Variants in CTBP2 observed in about 807,000 individuals in gnomAD.
The protein encoded by CTBP2 is C-terminal-binding protein 2.
A neutral mutation model predicts 80.3 loss-of-function variants in CTBP2; 30 were observed. The ratio of observed to expected loss-of-function variants is 0.37; its 90% confidence interval spans 0.28 to 0.51. The LOEUF (loss-of-function observed/expected upper bound fraction) is 0.51. CTBP2 is among the 20% of genes least tolerant of loss of function. The probability of loss-of-function intolerance (pLI) is 0.93; values close to 1 mark genes in which losing one functional copy is unlikely to be tolerated. For missense variants in CTBP2, 1,212 were observed against 1,375.3 expected (o/e 0.88, Z 1.88); for synonymous variants, 594 against 587.4 (o/e 1.01, Z -0.16).
intron 2 of CTBP2, among the ~76,000 whole-genome samples, chr10:125,050,415 T>TA (rs1404007674): frequency 1.3e-5 from 2 of 152,246 alleles, no homozygotes; most frequent in African/African-American, 4.8e-5. Context: ...AGCTTGCAGC[T>TA]ATTCATTTTG....
At chr10:125,041,576 T>C (rs1001203145) in intron 2 of CTBP2, among the ~76,000 whole-genome samples, 1 of 141,598 alleles carries the variant, frequency 7.1e-6, no homozygotes, top group Non-Finnish European at 1.5e-5. Context: ...CAATTGTCAT[T>C]TGCTCAGGCG....
intron 2 of CTBP2, among the ~76,000 whole-genome samples, chr10:125,043,573 G>A (rs1960435350): frequency 6.6e-6 from 1 of 152,084 alleles, no homozygotes; most frequent in African/African-American, 2.4e-5. Context: ...CGAGTAGCTG[G>A]GACTACAAGT....
intron 7 of CTBP2, 120 bp from the exon 10 acceptor site, chr10:124,992,932 G>C (rs904524739): frequency 1.1e-6 from 1 of 908,178 alleles, no homozygotes; most frequent in East Asian, 2.6e-5. Context: ...AACATCCAAA[G>C]GCCCAAGTGC....
chr10:125,127,899 A>G (rs920410150), intron 1 of CTBP2, among the ~76,000 whole-genome samples: 3 of 152,054 alleles, frequency 2.0e-5, no homozygotes, highest in Non-Finnish European at 4.4e-5. Context: ...CCCAATCTCA[A>G]CCCCTATTAC....
chr10:125,071,009 A>G (rs1223601092), intron 2 of CTBP2, among the ~76,000 whole-genome samples: 3 of 152,278 alleles, frequency 2.0e-5, no homozygotes, highest in Admixed American at 6.5e-5. Flanking sequence ...CATTCCTGCA[A>G]AGACAAAATG....
At chr10:125,010,219 T>TAAAAA (rs59517853) in intron 1 of CTBP2, among the ~76,000 whole-genome samples, 2 of 105,986 alleles carry the variant, frequency 1.9e-5, no homozygotes, top group Non-Finnish European at 3.7e-5. Context: ...ATTTTAAGGT[T>TAAAAA]AAAAAAAAAA....
chr10:125,136,184 A>AG (rs1399700465), intron 1 of CTBP2, among the ~76,000 whole-genome samples: 1 of 152,142 alleles, frequency 6.6e-6, no homozygotes, highest in African/African-American at 2.4e-5. Flanking sequence ...AAGGGGCTGG[A>AG]GGGACCCAGG....
intron 2 of CTBP2, among the ~76,000 whole-genome samples, chr10:125,106,649 C>A (rs1217703647): frequency 4.6e-5 from 7 of 152,240 alleles, no homozygotes; most frequent in Admixed American, 1.3e-4. Context: ...AGTGTGCCCA[C>A]CATCCTGCAG....
At chr10:125,001,446 G>C (rs1020574664) in intron 3 of CTBP2, 1 of 152,220 alleles carries the variant, frequency 6.6e-6, no homozygotes, top group Non-Finnish European at 1.5e-5. Flanking sequence ...TTTGTGCCAG[G>C]GAAAGATGGA....
intron 1 of CTBP2, among the ~76,000 whole-genome samples, chr10:125,141,822 G>A (rs1453165020): frequency 1.3e-5 from 2 of 152,136 alleles, no homozygotes; most frequent in Non-Finnish European, 2.9e-5. Flanking sequence ...GTGAGCACGC[G>A]GCAAACACAC....
chr10:125,021,628 G>A lies in CTBP2; in HGVS notation c.1678+4454C>T, dbSNP rs904968892. Among the ~76,000 whole-genome samples the A allele has an allele frequency of 3.9e-5, 6 of 152,284 alleles. No individual in the cohort carries two copies. In the South Asian group the frequency reaches 6.2e-4, roughly 16 times the overall value. On this transcript the variant is annotated intron_variant, in intron 1 of 8. Coordinates refer to ENST00000309035, the MANE Select transcript of CTBP2 (RefSeq NM_022802.3). Reference sequence around the variant, plus strand: ...ATCACTGCTGTTCTGCCATGAAGGCGGAGGGTGATCTGGCGAGGTCACAAG... The same window carrying A: ...ATCACTGCTGTTCTGCCATGAAGGCAGAGGGTGATCTGGCGAGGTCACAAG...
intron 1 of CTBP2, among the ~76,000 whole-genome samples, chr10:125,146,488 G>A (rs1239171934): frequency 6.6e-6 from 1 of 152,100 alleles, no homozygotes. Flanking sequence ...TTGCCATGTT[G>A]GCCAGGCTGG....
chr10:125,009,691 A>G (rs1955650192), intron 1 of CTBP2, among the ~76,000 whole-genome samples: 3 of 152,108 alleles, frequency 2.0e-5, no homozygotes, highest in African/African-American at 2.4e-5. Flanking sequence ...TAAAACTGAA[A>G]ATCGTGACAG....
At chr10:125,106,439 C>T (rs573713067) in intron 2 of CTBP2, among the ~76,000 whole-genome samples, 9 of 152,312 alleles carry the variant, frequency 5.9e-5, no homozygotes, top group Non-Finnish European at 5.9e-5. Flanking sequence ...GTTGCTTCAT[C>T]GGCTCCTGAA....
chr10:125,129,272 C>T (rs7080312), intron 1 of CTBP2, among the ~76,000 whole-genome samples: 48,643 of 151,798 alleles, frequency 0.32, 7,872 homozygotes, highest in African/African-American at 0.33. Flanking sequence ...GGGGACTTTC[C>T]GGAGTGACTG....
At chr10:125,071,861 G>C (rs1011936689) in intron 2 of CTBP2, among the ~76,000 whole-genome samples, 6 of 152,068 alleles carry the variant, frequency 3.9e-5, no homozygotes, top group Admixed American at 6.5e-5. Context: ...AAGAAACAGA[G>C]GATGCAAGCA....
intron 3 of CTBP2, among the ~76,000 whole-genome samples, chr10:125,035,828 C>T (rs138514585): frequency 1.3e-5 from 2 of 152,314 alleles, no homozygotes; most frequent in African/African-American, 4.8e-5. Context: ...GCAGACTAAA[C>T]AGATAGGAAG....
intron 1 of CTBP2, among the ~76,000 whole-genome samples, chr10:125,159,464 G>T (rs1035159334): frequency 2.7e-5 from 4 of 146,206 alleles, no homozygotes; most frequent in African/African-American, 9.8e-5. Flanking sequence ...GCCCCGCCGC[G>T]ACTTTGGCGG....
intron 1 of CTBP2, among the ~76,000 whole-genome samples, chr10:125,021,756 G>C (rs1439872673): frequency 1.3e-5 from 2 of 152,176 alleles, no homozygotes; most frequent in Non-Finnish European, 2.9e-5. Flanking sequence ...CTGAATGCAG[G>C]GAACACCGGG....
Sources: gnomAD v4.1 joint callset for allele counts (sites outside exome capture counted in the v4.1 genomes callset) on GRCh38, gnomAD v4.1.1 for gene constraint, MANE v1.5 for transcripts, NCBI Gene and HGNC (gene_info 2026-07-23, HGNC 2026-07-21) for gene names.